The following CTNND2 variants were observed in gnomAD, a reference collection of about 807,000 sequenced individuals.
The protein encoded by CTNND2 is catenin delta-2.
A neutral mutation model predicts 144.4 loss-of-function variants in CTNND2; 22 were observed. The ratio of observed to expected loss-of-function variants is 0.15; its 90% CI spans 0.11 to 0.22. CTNND2 has a LOEUF of 0.22. Ranked by LOEUF, CTNND2 falls within the 10% of genes least tolerant of loss-of-function variation. The probability of loss-of-function intolerance (pLI) is 1.00; values close to 1 mark genes in which losing one functional copy is unlikely to be tolerated. For synonymous variants in CTNND2, 751 were observed against 695.6 expected (o/e 1.08, Z -1.25); for missense variants, 1,353 against 1,618.8 (o/e 0.84, Z 2.82).
intron 9 of CTNND2, among the ~76,000 whole-genome samples, chr5:11,343,298 C>A (rs1580963900): frequency 6.6e-6 from 1 of 152,166 alleles, no homozygotes; most frequent in East Asian, 1.9e-4. Flanking sequence ...TTTCAAAATG[C>A]AGTATTTGCT....
chr5:11,280,213 T>A (rs1482150733), intron 9 of CTNND2, among the ~76,000 whole-genome samples: 1 of 152,120 alleles, frequency 6.6e-6, no homozygotes, highest in Non-Finnish European at 1.5e-5. Flanking sequence ...ACATTTTAAC[T>A]CAAATGAACA....
At chr5:11,830,084 G>A (rs1245159097) in intron 1 of CTNND2, among the ~76,000 whole-genome samples, 1 of 152,164 alleles carries the variant, frequency 6.6e-6, no homozygotes, top group Non-Finnish European at 1.5e-5. Context: ...ATTAGGAATG[G>A]CTGTATTTAC....
intron 9 of CTNND2, among the ~76,000 whole-genome samples, chr5:11,313,031 C>T (rs32119): frequency 0.047 from 7,225 of 152,232 alleles, 198 homozygotes; most frequent in Non-Finnish European, 0.055. Context: ...CTGAACATTA[C>T]TCCTCTTTGG....
intron 1 of CTNND2, among the ~76,000 whole-genome samples, chr5:11,817,414 A>G (rs1483919715): frequency 2.9e-3 from 1 of 350 alleles, no homozygotes; most frequent in Non-Finnish European, 6.0e-3. Flanking sequence ...GAGGAGGGAG[A>G]GAGAGAGAGA....
intron 3 of CTNND2, among the ~76,000 whole-genome samples, chr5:11,445,063 A>G (rs1764681782): frequency 6.6e-6 from 1 of 152,186 alleles, no homozygotes; most frequent in Non-Finnish European, 1.5e-5. Context: ...CAGCAGAAAT[A>G]TAATGTTCTC....
At chr5:11,000,902 A>G (rs1386263633) in intron 18 of CTNND2, among the ~76,000 whole-genome samples, 1 of 152,130 alleles carries the variant, frequency 6.6e-6, no homozygotes, top group Non-Finnish European at 1.5e-5. Flanking sequence ...TCCTCCCCCA[A>G]ATGGATGCTA....
At chr5:11,212,479 G>A in intron 10 of CTNND2, among the ~76,000 whole-genome samples, 1 of 152,222 alleles carries the variant, frequency 6.6e-6, no homozygotes, top group East Asian at 1.9e-4. Flanking sequence ...CATATGGTAG[G>A]GTTCAGGGAA....
chr5:11,688,189 GC>G (rs1784743011), intron 2 of CTNND2, among the ~76,000 whole-genome samples: 1 of 151,966 alleles, frequency 6.6e-6, no homozygotes, highest in South Asian at 2.1e-4. Flanking sequence ...GAAGTTTCAA[GC>G]CAATCTTCCA....
At chr5:11,389,839 C>T (rs1016273279) in intron 6 of CTNND2, among the ~76,000 whole-genome samples, 7 of 130,286 alleles carry the variant, frequency 5.4e-5, no homozygotes, top group African/African-American at 1.7e-4. Context: ...GACACCTTTG[C>T]TTTCTGATGG....
At chr5:11,377,965 A>G (rs1369452519) in intron 7 of CTNND2, among the ~76,000 whole-genome samples, 1 of 152,216 alleles carries the variant, frequency 6.6e-6, no homozygotes, top group East Asian at 1.9e-4. Context: ...GACTGGGCTT[A>G]GCATGTATAA....
chr5:11,835,234 T>C (rs959092605), intron 1 of CTNND2, among the ~76,000 whole-genome samples: 1 of 152,258 alleles, frequency 6.6e-6, no homozygotes, highest in African/African-American at 2.4e-5. Context: ...TCTGCATCTA[T>C]ACTAATGAGG....
chr5:11,680,296 C>A (rs1157651751), intron 2 of CTNND2, among the ~76,000 whole-genome samples: 4 of 152,140 alleles, frequency 2.6e-5, no homozygotes, highest in Non-Finnish European at 4.4e-5. Flanking sequence ...ATCCCTAGAG[C>A]AGTGGTTTCC....
intron 17 of CTNND2, among the ~76,000 whole-genome samples, chr5:11,019,101 G>T (rs1741949726): frequency 6.6e-6 from 1 of 152,206 alleles, no homozygotes; most frequent in Admixed American, 6.5e-5. Context: ...TTTAAGGAAA[G>T]AAGATATTTC....
At chr5:11,441,368 A>ATTTT (rs774610481) in intron 3 of CTNND2, among the ~76,000 whole-genome samples, 1 of 98,758 alleles carries the variant, frequency 1.0e-5, no homozygotes, top group Non-Finnish European at 2.0e-5. Flanking sequence ...CCAATGTGGG[A>ATTTT]TTTTTTTTTT....
intron 11 of CTNND2, among the ~76,000 whole-genome samples, chr5:11,167,195 G>A (rs1201949550): frequency 6.6e-6 from 1 of 152,204 alleles, no homozygotes; most frequent in Non-Finnish European, 1.5e-5. Context: ...GCTGATAGGC[G>A]TGGGAGGTGA....
chr5:11,821,204 T>C (rs1793287486), intron 1 of CTNND2, among the ~76,000 whole-genome samples: 1 of 152,208 alleles, frequency 6.6e-6, no homozygotes, highest in African/African-American at 2.4e-5. Context: ...TATAAGCTTA[T>C]TCGTGTCATC....
At chr5:11,667,678 T>C (rs1485388519) in intron 2 of CTNND2, among the ~76,000 whole-genome samples, 2 of 152,214 alleles carry the variant, frequency 1.3e-5, no homozygotes, top group Non-Finnish European at 2.9e-5. Context: ...CTTTGTCAGA[T>C]GGATGGATTG....
intron 1 of CTNND2, among the ~76,000 whole-genome samples, chr5:11,758,589 T>C (rs1017602831): frequency 5.9e-5 from 9 of 152,026 alleles, no homozygotes; most frequent in Admixed American, 3.3e-4. Context: ...ACCATGCTTA[T>C]TCAAAACTCC....
chr5:11,045,148 G>C (rs951422484), intron 16 of CTNND2, among the ~76,000 whole-genome samples: 1 of 152,186 alleles, frequency 6.6e-6, no homozygotes, highest in African/African-American at 2.4e-5. Flanking sequence ...TACTGGATTG[G>C]GGCTGTGTCT....
Sources: gnomAD v4.1 joint callset for allele counts (sites outside exome capture counted in the v4.1 genomes callset) on GRCh38, gnomAD v4.1.1 for gene constraint, MANE v1.5 for transcripts, NCBI Gene and HGNC (gene_info 2026-07-23, HGNC 2026-07-21) for gene names.